The following MYH14 variants were observed in gnomAD, a reference collection of about 807,000 sequenced individuals.
The protein encoded by MYH14 is myosin-14.
In MYH14, 123 loss-of-function variants were observed where a neutral mutation model predicts 255.5. The ratio of observed to expected loss-of-function variants is 0.48; its 90% CI spans 0.42 to 0.56. MYH14 has a LOEUF of 0.56. Among genes scored for constraint, MYH14 ranks in the 20% least tolerant of loss-of-function variants. The probability of loss-of-function intolerance (pLI) is 0.00; values close to 1 mark genes in which losing one functional copy is unlikely to be tolerated. For missense variants in MYH14, 2,423 were observed against 2,802.3 expected, an observed-to-expected ratio of 0.86 and a Z score of 3.06; for synonymous variants, 1,095 against 1,161.2, an observed-to-expected ratio of 0.94 and a Z score of 1.16.
intron 18 of MYH14, among the ~76,000 whole-genome samples, chr19:50,257,698 C>G (rs1279093450): frequency 6.6e-6 from 1 of 152,180 alleles, no homozygotes; most frequent in Non-Finnish European, 1.5e-5. Context: ...GTGCTGGGAA[C>G]AGGTACTGGG....
At chr19:50,269,724 T>C (rs1490850801) in intron 24 of MYH14, among the ~76,000 whole-genome samples, 3 of 152,032 alleles carry the variant, frequency 2.0e-5, no homozygotes, top group Non-Finnish European at 4.4e-5. Flanking sequence ...GGAAAATGTG[T>C]TTGGTTTGTT....
Position 50,271,650 on chromosome 19 carries a change from G to C in MYH14, c.3171+104G>C, listed in dbSNP as rs551831922. ...GGGGTTACCACACTGCGGTTCTCAG[G>C]TGTGCACCGGTGGGGGTGGGATGGG... On this transcript the variant is annotated intron_variant, in intron 25 of 42. Transcript: ENST00000642316. 6.0e-6 allele frequency: 9 copies of C among 1,491,198 alleles called. No homozygotes were observed. The East Asian group carries it at 2.2e-4, about 37-fold the overall frequency. The allele number at this position is 1,491,198 out of a possible 1,614,324, so 92.4% of individuals were successfully genotyped here. A position where few individuals can be genotyped will look rare whatever the true frequency, so the allele number is the denominator to read the frequency against.
intron 22 of MYH14, among the ~76,000 whole-genome samples, chr19:50,265,602 C>A (rs1043190682): frequency 6.6e-6 from 1 of 152,144 alleles, no homozygotes; most frequent in South Asian, 2.1e-4. Context: ...AGGTGGATCA[C>A]TTCAGGTCAG....
At position 50,263,303 on chromosome 19, in the gene MYH14, C is replaced by T. The variant is rs1407197699; in HGVS notation, c.2586-9C>T. ...TCCCACTCTGCCCCTCACCCATTTC[C>T]CCACCCAGGGCCTTCCAGAAGCGCC... On this transcript the variant is annotated splice_polypyrimidine_tract_variant and intron_variant, in intron 21 of 42. Transcript: ENST00000642316. 2 of 1,524,212 alleles carry T rather than the reference C, an allele frequency of 1.3e-6. No homozygotes were observed. The highest frequency in any genetic ancestry group is 1.8e-6 in the Non-Finnish European group (2 of 1,130,802). 94.4% of individuals were successfully genotyped at this position (1,524,212 alleles called of 1,614,324 possible). A position where few individuals can be genotyped will look rare whatever the true frequency, so the allele number is the denominator to read the frequency against.
intron 33 of MYH14, 151 bp from the exon 34 acceptor site, chr19:50,286,331 C>A: frequency 1.3e-6 from 1 of 766,786 alleles, no homozygotes. Flanking sequence ...ACGGTTGCAA[C>A]TTTAATCCCT....
intron 7 of MYH14, 95 bp from the exon 8 acceptor site, chr19:50,226,808 T>A: frequency 1.7e-6 from 2 of 1,191,342 alleles, no homozygotes; most frequent in Non-Finnish European, 2.5e-6. Context: ...CAGCCGCAGC[T>A]CTGGGAGCAG....
chr19:50,252,181 G>C lies in MYH14; in HGVS notation c.1831-458G>C, dbSNP rs982048543. ...CCTGCCCTCGGGGGACCGCTGTCTGGTGGGGGGCACATATGCAGAGAATTG... is the reference window on the plus strand; with the variant it reads ...CCTGCCCTCGGGGGACCGCTGTCTGCTGGGGGGCACATATGCAGAGAATTG... On this transcript the variant is annotated intron_variant, in intron 15 of 42. Coordinates refer to ENST00000642316, the MANE Select transcript of MYH14 (RefSeq NM_001145809.2). This position sits in a 1 kb window ranked among gnomAD's most constrained non-coding sequence, Gnocchi z 4.2. Among the ~76,000 whole-genome samples, 2 of 152,188 alleles carry C rather than the reference G, an allele frequency of 1.3e-5. No homozygotes were observed. Among genetic ancestry groups the C allele is most frequent in the African/African-American group, 2.4e-5 (1 of 41,434 alleles).
Position 50,261,643 on chromosome 19 carries a change from G to C in MYH14, c.2585+8G>C. ...GGGATACCTGGCTCGCAGGTGGGCA[G>C]CCACGCTGTCTCCCGGGGTCCTGTT... On this transcript the variant is annotated splice_region_variant and intron_variant, in intron 21 of 42. Transcript: ENST00000642316. 1 of 1,590,556 alleles carries C rather than the reference G, an allele frequency of 6.3e-7. No individual in the cohort carries two copies. The highest frequency in any genetic ancestry group is 8.5e-7 in the Non-Finnish European group (1 of 1,170,334).
At chr19:50,237,462 A>T (rs1157726796) in intron 10 of MYH14, among the ~76,000 whole-genome samples, 1 of 151,982 alleles carries the variant, frequency 6.6e-6, no homozygotes, top group Non-Finnish European at 1.5e-5. Flanking sequence ...AGTAGCTGGG[A>T]TTACAGGCAT....
intron 3 of MYH14, among the ~76,000 whole-genome samples, chr19:50,222,479 CAAAAAAA>C (rs542179852): frequency 1.4e-5 from 1 of 69,866 alleles, no homozygotes; most frequent in African/African-American, 6.0e-5. Context: ...GACTCCGTCT[CAAAAAAA>C]AAAAAAAAAA....
intron 19 of MYH14, among the ~76,000 whole-genome samples, chr19:50,260,056 T>C (rs2123344837): frequency 6.6e-6 from 1 of 152,310 alleles, no homozygotes; most frequent in East Asian, 1.9e-4. Context: ...CATTTTCTAA[T>C]AGCTACACTT....
chr19:50,272,546 A>AC lies in MYH14; in HGVS notation c.3296-10dup, dbSNP rs2035344153. On this transcript the variant is annotated splice_polypyrimidine_tract_variant and intron_variant, in intron 26 of 42. Coordinates refer to ENST00000642316, the MANE Select transcript of MYH14 (RefSeq NM_001145809.2). ...CCTGGAGTCCTCATGCACGGCCCCC[A>AC]CCCCTGCCTCCAGACCGCCTACGGA... 1 of 1,558,490 alleles carries AC rather than the reference A, an allele frequency of 6.4e-7. No individual in the cohort carries two copies. The highest frequency in any genetic ancestry group is 1.9e-5 in the Admixed American group (1 of 51,536).
At chr19:50,259,043 C>G in intron 18 of MYH14, 101 bp from the exon 19 acceptor site, 1 of 1,443,334 alleles carries the variant, frequency 6.9e-7, no homozygotes, top group Non-Finnish European at 9.2e-7. Flanking sequence ...CTAGTAGGTG[C>G]TCAGTAAATT....
At chr19:50,296,735 T>G (rs529769523) in intron 39 of MYH14, among the ~76,000 whole-genome samples, 1 of 152,134 alleles carries the variant, frequency 6.6e-6, no homozygotes, top group Non-Finnish European at 1.5e-5. Context: ...GCAGGAAAGA[T>G]AGTATAGTTA....
chr19:50,264,246 C>T (rs1053269130), intron 22 of MYH14, among the ~76,000 whole-genome samples: 7 of 152,110 alleles, frequency 4.6e-5, no homozygotes, highest in Non-Finnish European at 1.0e-4. Context: ...CTCACCTGAG[C>T]CTTGATGTCC....
chr19:50,215,549 G>A (rs1568465692), intron 2 of MYH14, among the ~76,000 whole-genome samples: 1 of 152,242 alleles, frequency 6.6e-6, no homozygotes, highest in Non-Finnish European at 1.5e-5. Context: ...GCCGGGCACA[G>A]TGGCTCATGC....
chr19:50,247,012 A>G lies in MYH14; in HGVS notation c.1219A>G (p.Lys407Glu). The stretch of plus-strand genomic sequence containing the variant: ...GTGCCTCTCGCCCTCAGCTGCACAG[A>G]AGCTCTGCCGCCTCTTGGGACTGGG... Reference protein sequence around the residue: ...ATMPDNTAAQKLCRLLGLGVT... With the variant: ...ATMPDNTAAQELCRLLGLGVT... The change falls in exon 12 of 43, where the codon AAG becomes GAG. Residue 407 changes from lysine to glutamate, a missense_variant. Lys to Glu is a moderately conservative substitution (Grantham distance 56). Transcript: ENST00000642316. 1 of 1,611,172 alleles carries G rather than the reference A, an allele frequency of 6.2e-7. No homozygotes were observed. Among genetic ancestry groups the G allele is most frequent in the Non-Finnish European group, 8.5e-7 (1 of 1,178,720 alleles).
intron 3 of MYH14, 121 bp from the exon 4 acceptor site, chr19:50,222,962 A>C: frequency 2.0e-6 from 2 of 981,790 alleles, no homozygotes; most frequent in Non-Finnish European, 3.3e-6. Context: ...ACACATCAAG[A>C]CCCAAGCTTT....
At chr19:50,294,594 G>A (rs1411689371) in intron 39 of MYH14, among the ~76,000 whole-genome samples, 1 of 151,812 alleles carries the variant, frequency 6.6e-6, no homozygotes, top group African/African-American at 2.4e-5. Context: ...GCCAGGTGCA[G>A]TGGTGCATGC....
Sources: allele counts gnomAD v4.1 joint callset (sites outside exome capture counted in the v4.1 genomes callset), GRCh38; gene constraint gnomAD v4.1.1; non-coding constraint Gnocchi (gnomAD v3.1); transcripts MANE v1.5; gene names NCBI Gene and HGNC (gene_info 2026-07-23, HGNC 2026-07-21).